LIN7A: variants seen among roughly 807,000 people sequenced by gnomAD.
The protein encoded by LIN7A is protein lin-7 homolog A.
A neutral mutation model predicts 29.8 loss-of-function variants in LIN7A; 25 were observed. That is an observed-to-expected ratio of 0.84 (90% CI 0.61 to 1.17). The LOEUF (loss-of-function observed/expected upper bound fraction) is 1.17. Among genes scored for constraint, LIN7A ranks in the 50% most tolerant of loss-of-function variants. The pLI is 0.00. For synonymous variants in LIN7A, 118 were observed against 107.5 expected, an observed-to-expected ratio of 1.10 and a Z score of -0.60; for missense variants, 239 against 287.0, an observed-to-expected ratio of 0.83 and a Z score of 1.21.
intron 4 of LIN7A, among the ~76,000 whole-genome samples, chr12:80,822,480 C>T (rs1871854327): frequency 1.3e-5 from 2 of 152,152 alleles, no homozygotes; most frequent in Non-Finnish European, 2.9e-5. Context: ...ATTGCTTGAA[C>T]CCAGGGGGTG....
intron 1 of LIN7A, among the ~76,000 whole-genome samples, chr12:80,903,804 C>G (rs1031672103): frequency 3.3e-5 from 5 of 152,022 alleles, no homozygotes; most frequent in Non-Finnish European, 5.9e-5. Flanking sequence ...ACAGTCCTAT[C>G]AACAATGTAT....
chr12:80,827,891 C>G (rs1056123099), intron 4 of LIN7A, among the ~76,000 whole-genome samples: 6 of 152,278 alleles, frequency 3.9e-5, no homozygotes, highest in East Asian at 3.9e-4. Flanking sequence ...ATACTCTCCC[C>G]ATCATTCATA....
chr12:80,847,443 G>A (rs1168795413), intron 3 of LIN7A, among the ~76,000 whole-genome samples: 1 of 152,062 alleles, frequency 6.6e-6, no homozygotes, highest in East Asian at 1.9e-4. Flanking sequence ...AAAATCAAGA[G>A]AGAAACTAAA....
intron 5 of LIN7A, among the ~76,000 whole-genome samples, 157 bp from the exon 6 acceptor site, chr12:80,797,883 C>G (rs962979910): frequency 1.3e-5 from 2 of 152,154 alleles, no homozygotes; most frequent in Non-Finnish European, 2.9e-5. Flanking sequence ...TGAAAAAATT[C>G]GTTTGATGTT....
At chr12:80,878,525 A>T (rs1420613411) in intron 2 of LIN7A, among the ~76,000 whole-genome samples, 1 of 152,218 alleles carries the variant, frequency 6.6e-6, no homozygotes, top group Non-Finnish European at 1.5e-5. Flanking sequence ...CAGCTCTTAA[A>T]GGTGGCACAG....
chr12:80,917,953 A>C (rs1592949508), intron 1 of LIN7A, among the ~76,000 whole-genome samples: 1 of 152,220 alleles, frequency 6.6e-6, no homozygotes, highest in Non-Finnish European at 1.5e-5. Flanking sequence ...CAGTGTAAAT[A>C]AATGTTTGAG....
chr12:80,829,179 A>G (rs1177914959), intron 4 of LIN7A, among the ~76,000 whole-genome samples: 1 of 152,166 alleles, frequency 6.6e-6, no homozygotes, highest in African/African-American at 2.4e-5. Flanking sequence ...CCAAAACAAA[A>G]GCAAAAATCC....
chr12:80,819,492 C>T (rs1431380714), intron 4 of LIN7A, among the ~76,000 whole-genome samples: 1 of 152,228 alleles, frequency 6.6e-6, no homozygotes, highest in Non-Finnish European at 1.5e-5. Context: ...TGCCACCAGA[C>T]TGTCCAAGAG....
intron 4 of LIN7A, among the ~76,000 whole-genome samples, chr12:80,834,002 T>C (rs1281058711): frequency 6.6e-6 from 1 of 152,182 alleles, no homozygotes; most frequent in Non-Finnish European, 1.5e-5. Context: ...AATAGTCAAA[T>C]TTAACCACTC....
chr12:80,842,086 C>T (rs1305101291), intron 4 of LIN7A: 2 of 1,286,910 alleles, frequency 1.6e-6, no homozygotes, highest in East Asian at 5.6e-5. Flanking sequence ...CCAATGATTG[C>T]TGAGCTGACA....
chr12:80,836,243 A>G (rs1221616243), intron 4 of LIN7A, among the ~76,000 whole-genome samples: 2 of 152,186 alleles, frequency 1.3e-5, no homozygotes, highest in Non-Finnish European at 2.9e-5. Context: ...CTGCTCCTAC[A>G]TGGCAAATCA....
intron 1 of LIN7A, among the ~76,000 whole-genome samples, chr12:80,889,892 AT>A (rs943394882): frequency 6.6e-6 from 1 of 152,152 alleles, no homozygotes; most frequent in Non-Finnish European, 1.5e-5. Flanking sequence ...TATTGTAGTG[AT>A]TAAAATTAAT....
chr12:80,899,770 C>T (rs66515911), intron 1 of LIN7A, among the ~76,000 whole-genome samples: 81,803 of 123,870 alleles, frequency 0.66, 30,595 homozygotes, highest in Non-Finnish European at 0.87. Context: ...TTTTTCTTTT[C>T]TTTTTTTTTT....
intron 1 of LIN7A, among the ~76,000 whole-genome samples, chr12:80,914,584 C>T (rs962607489): frequency 4.6e-5 from 7 of 152,302 alleles, no homozygotes; most frequent in Admixed American, 2.0e-4. Flanking sequence ...GCATGTTTCA[C>T]GTTATCTTTC....
Position 80,795,345 on chromosome 12 carries a change from C to T in LIN7A, c.*2382G>A, listed in dbSNP as rs1034843434. ...TCATTTGTATATGAGACCACTCTGA[C>T]GTATAATCCATCCTTAGATGTCCTA... On this transcript the variant is annotated 3_prime_UTR_variant, in exon 6 of 6. Coordinates refer to ENST00000552864, the MANE Select transcript of LIN7A (RefSeq NM_004664.4). The T allele has an allele frequency of 2.0e-5, 3 of 151,860 alleles. No homozygotes were observed. Among genetic ancestry groups the T allele is most frequent in the Non-Finnish European group, 4.4e-5 (3 of 67,944 alleles). The allele number at this position is 151,860 out of a possible 1,614,324, so 9.4% of individuals were successfully genotyped here.
At chr12:80,803,442 T>C (rs1245720281) in intron 5 of LIN7A, among the ~76,000 whole-genome samples, 2 of 152,228 alleles carry the variant, frequency 1.3e-5, no homozygotes, top group Non-Finnish European at 2.9e-5. Context: ...ACTGTAAATA[T>C]GTGGATTTAT....
chr12:80,807,074 T>TTTTTTTTTTTTGTTTG (rs1871044520), intron 5 of LIN7A, among the ~76,000 whole-genome samples: 1 of 47,036 alleles, frequency 2.1e-5, no homozygotes, highest in Non-Finnish European at 4.8e-5. Context: ...TTTTTTTTTT[T>TTTTTTTTTTTTGTTTG]TTTTTTTTTT....
At chr12:80,833,201 A>G (rs779289689) in intron 4 of LIN7A, among the ~76,000 whole-genome samples, 1 of 152,214 alleles carries the variant, frequency 6.6e-6, no homozygotes, top group Non-Finnish European at 1.5e-5. Context: ...TGAGCCATAG[A>G]CAACACAACC....
intron 2 of LIN7A, among the ~76,000 whole-genome samples, chr12:80,856,097 C>CA (rs1161262142): frequency 1.3e-5 from 2 of 150,478 alleles, no homozygotes; most frequent in Non-Finnish European, 3.0e-5. Context: ...CCATTTTTTG[C>CA]AAAAAAAGAA....
Sources: gnomAD v4.1 joint callset for allele counts (sites outside exome capture counted in the v4.1 genomes callset) on GRCh38, gnomAD v4.1.1 for gene constraint, MANE v1.5 for transcripts, NCBI Gene and HGNC (gene_info 2026-07-23, HGNC 2026-07-21) for gene names.